ESPNL: variants seen among roughly 807,000 people sequenced by gnomAD.
ESPNL encodes espin like, also known as espin-like protein.
ESPNL carries 49 observed loss-of-function variants against 46.8 expected under a neutral mutation model. That is an observed-to-expected ratio of 1.05 (90% confidence interval 0.83 to 1.33). The LOEUF (loss-of-function observed/expected upper bound fraction) is 1.33, where lower values mean the gene tolerates loss of function less well. Among genes scored for constraint, ESPNL ranks in the 40% most tolerant of loss-of-function variants. The pLI is 0.00. For missense variants in ESPNL, 1,540 were observed against 1,436.6 expected (o/e 1.07, Z -1.16); for synonymous variants, 664 against 662.1 (o/e 1.00, Z -0.04).
intron 4 of ESPNL, among the ~76,000 whole-genome samples, chr2:238,112,869 A>G (rs1691741722): frequency 6.6e-6 from 1 of 152,146 alleles, no homozygotes. Context: ...CAATCCTTTG[A>G]TTTTTTGATA....
At chr2:238,101,219 G>A (rs984757016) in intron 1 of ESPNL, among the ~76,000 whole-genome samples, 5 of 152,146 alleles carry the variant, frequency 3.3e-5, no homozygotes, top group Non-Finnish European at 7.3e-5. Context: ...TAGAGCTGTC[G>A]CTCAGCCCTG....
At chr2:238,116,030 C>T (rs571376706) in intron 4 of ESPNL, among the ~76,000 whole-genome samples, 1 of 152,366 alleles carries the variant, frequency 6.6e-6, no homozygotes, top group South Asian at 2.1e-4. Flanking sequence ...TGCTGAGGCC[C>T]AGCTGGTCTA....
chr2:238,129,816 G>A (rs534808522), intron 8 of ESPNL, among the ~76,000 whole-genome samples: 3 of 152,260 alleles, frequency 2.0e-5, no homozygotes, highest in Non-Finnish European at 4.4e-5. Context: ...GCCACAGGTG[G>A]CTCCTGGCTG....
chr2:238,101,152 A>G (rs1252211144), intron 1 of ESPNL, among the ~76,000 whole-genome samples: 4 of 151,992 alleles, frequency 2.6e-5, no homozygotes, highest in East Asian at 1.9e-4. Context: ...GATCGTTTCT[A>G]CTGGGCCCCC....
In ESPNL at chr2:238,130,820, G is replaced by A; in HGVS notation, c.2106G>A (p.Glu702=). ...PKPRSGLASG[E]PRPGDTEEAS... ...CCCGCAGTGGCCTGGCTTCAGGGGA[G>A]CCCAGGCCTGGCGACACAGAGGAGG... Residue 702 remains glutamate, a synonymous_variant, in exon 9 of 9, where the codon GAG becomes GAA. Transcript: ENST00000343063. 1.3e-6 allele frequency: 2 copies of A among 1,545,708 alleles called. No individual in the cohort carries two copies. Among genetic ancestry groups the A allele is most frequent in the Non-Finnish European group, 8.7e-7 (1 of 1,148,846 alleles).
At chr2:238,128,650 C>G in intron 7 of ESPNL, 57 bp from the exon 8 acceptor site, 5 of 1,512,754 alleles carry the variant, frequency 3.3e-6, no homozygotes, top group Non-Finnish European at 4.5e-6. Context: ...CGGATCTTCC[C>G]TCCACTCAGG....
At position 238,131,400 on chromosome 2, in the gene ESPNL, G is replaced by A. The variant is rs1324239756; in HGVS notation, c.2686G>A (p.Ala896Thr). Reference protein sequence around the residue: ...FEHLGTHGWEAVRAFHKAVTD... With the variant: ...FEHLGTHGWETVRAFHKAVTD... Reference sequence around the variant, plus strand: ...GCACCTGGGCACCCACGGCTGGGAGGCTGTGCGCGCCTTCCACAAGGCCGT... The same window carrying A: ...GCACCTGGGCACCCACGGCTGGGAGACTGTGCGCGCCTTCCACAAGGCCGT... The change falls in exon 9 of 9, where the codon GCT becomes ACT. Residue 896 changes from alanine (A) to threonine (T), a missense_variant. Ala to Thr is a moderately conservative substitution (Grantham distance 58). Coordinates refer to ENST00000343063, the MANE Select transcript of ESPNL (RefSeq NM_194312.4). 4 of 1,606,992 alleles carry A rather than the reference G, an allele frequency of 2.5e-6. No homozygotes were observed. The highest frequency in any genetic ancestry group is 1.3e-5 in the African/African-American group (1 of 74,872).
At position 238,128,726 on chromosome 2, in the gene ESPNL, C is replaced by G; in HGVS notation, c.1235C>G (p.Ala412Gly). 6.2e-7 allele frequency: 1 copy of G among 1,601,458 alleles called. No individual in the cohort carries two copies. The highest frequency in any genetic ancestry group is 8.5e-7 in the Non-Finnish European group (1 of 1,174,912). The change falls in exon 8 of 9, where the codon GCG (alanine) becomes GGG (glycine). Residue 412 changes from alanine (A) to glycine (G), a missense_variant. Physicochemically the swap from Ala to Gly is moderately conservative, Grantham distance 60 (BLOSUM62 0). Coordinates refer to ENST00000343063, the MANE Select transcript of ESPNL (RefSeq NM_194312.4). Reference protein sequence around the residue: ...ADPEGTETALAGDTSDGLAAL... With the variant: ...ADPEGTETALGGDTSDGLAAL... ...GCACAGGGGACAGAGACGGCGCTGG[C>G]GGGGGACACCTCAGATGGCCTGGCC...
Position 238,114,429 on chromosome 2 carries a change from C to A in ESPNL, c.856-2474C>A, listed in dbSNP as rs1242519709. Among the ~76,000 whole-genome samples, 2 of 152,214 alleles carry A rather than the reference C, an allele frequency of 1.3e-5. No individual in the cohort carries two copies. The highest frequency in any genetic ancestry group is 2.9e-5 in the Non-Finnish European group (2 of 68,040). The stretch of plus-strand genomic sequence containing the variant: ...GGGACGCTCCGCCTCCACCCACCCA[C>A]ACACCCACCGCGCCCTGGCAAACCT... On this transcript the variant is annotated intron_variant, in intron 4 of 8. Coordinates refer to ENST00000343063, the MANE Select transcript of ESPNL (RefSeq NM_194312.4). This position sits in a 1 kb window ranked among gnomAD's most constrained non-coding sequence, Gnocchi z 5.0.
rs768874184 is a variant in ESPNL, at chr2:238,107,822, G to A, written c.704G>A (p.Arg235Gln). 15 of 1,603,600 alleles carry A rather than the reference G, an allele frequency of 9.4e-6. No individual in the cohort carries two copies. The highest frequency in any genetic ancestry group is 4.0e-5 in the African/African-American group (3 of 74,680). ...TTCACCGACATCGGACTCACGGCAC[G>A]GGACAATGAGGGGGCCACGGCCCTG... The part of the protein sequence containing the change: ...VTFTDIGLTA[R>Q]DNEGATALHF... The change falls in exon 4 of 9, where the codon CGG becomes CAG. Residue 235 changes from arginine (R) to glutamine (Q), a missense_variant. Transcript: ENST00000343063.
chr2:238,118,780 GAGATGGAGGAGGGT>G (rs1691895507), intron 5 of ESPNL, among the ~76,000 whole-genome samples: 2 of 36,538 alleles, frequency 5.5e-5, no homozygotes, highest in African/African-American at 3.3e-4. Context: ...TGGAGGAGGG[GAGATGGAGGAGGGT>G]GGATGGAGGA....
At chr2:238,127,056 G>C (rs957457035) in intron 6 of ESPNL, among the ~76,000 whole-genome samples, 2 of 151,128 alleles carry the variant, frequency 1.3e-5, no homozygotes, top group African/African-American at 4.9e-5. Flanking sequence ...TTCTGTGATT[G>C]TATCTGTGTG....
intron 6 of ESPNL, among the ~76,000 whole-genome samples, chr2:238,126,304 G>T (rs55713416): frequency 0.33 from 49,689 of 150,828 alleles, 8,881 homozygotes; most frequent in African/African-American, 0.47. Context: ...GTGCATGATT[G>T]TGTATCTGTG....
chr2:238,131,913 C>T lies in ESPNL; in HGVS notation c.*181C>T. 1 of 673,422 alleles carries T rather than the reference C, an allele frequency of 1.5e-6. No individual in the cohort carries two copies. Among genetic ancestry groups the T allele is most frequent in the Non-Finnish European group, 2.4e-6 (1 of 409,252 alleles). The allele number at this position is 673,422 out of a possible 1,614,324, so 41.7% of individuals were successfully genotyped here. On this transcript the variant is annotated 3_prime_UTR_variant, in exon 9 of 9. Coordinates refer to ENST00000343063, the MANE Select transcript of ESPNL (RefSeq NM_194312.4). ...CATGGTTCTCCTCCGAGCTGGGACT[C>T]AGACTCCTTCTCACCACTGCACCCA...
rs760898869 is a variant in ESPNL at position 238,127,738 on chromosome 2, C to G, written c.1215+4C>G. ...CAGTGCCACGGCTGACCCCGAGGTT[C>G]GTCCTCCACCCCTGCATTCCTGTCT... On this transcript the variant is annotated splice_donor_region_variant and intron_variant, in intron 7 of 8. Coordinates refer to ENST00000343063, the MANE Select transcript of ESPNL (RefSeq NM_194312.4). 6.2e-7 allele frequency: 1 copy of G among 1,601,930 alleles called. No homozygotes were observed. Among genetic ancestry groups the G allele is most frequent in the Admixed American group, 1.7e-5 (1 of 58,376 alleles).
intron 1 of ESPNL, among the ~76,000 whole-genome samples, chr2:238,101,287 A>G (rs1428609227): frequency 6.6e-6 from 1 of 150,698 alleles, no homozygotes; most frequent in Non-Finnish European, 1.5e-5. Context: ...GCCGCCGCCC[A>G]GAGGTCAGAG....
intron 5 of ESPNL, among the ~76,000 whole-genome samples, chr2:238,123,058 T>TCCCTTGCC (rs977120266): frequency 6.6e-6 from 1 of 152,010 alleles, no homozygotes; most frequent in Non-Finnish European, 1.5e-5. Flanking sequence ...TGCCCCCGAG[T>TCCCTTGCC]CCCAGGTGGT....
Position 238,131,636 on chromosome 2 carries a change from G to T in ESPNL, c.2922G>T (p.Gln974His), listed in dbSNP as rs748101194. The T allele has an allele frequency of 9.3e-6, 15 of 1,610,936 alleles. No homozygotes were observed. The highest frequency in any genetic ancestry group is 1.3e-5 in the Non-Finnish European group (15 of 1,178,394). The stretch of plus-strand genomic sequence containing the variant: ...AGCGGCTGGGGTCCCGCTCCCAGCA[G>T]GGCAGCTTCAACGGTGAGGACATCT... ...TAQRLGSRSQ[Q>H]GSFNGEDICG... Residue 974 changes from glutamine to histidine, a missense_variant, in exon 9 of 9, where the codon CAG becomes CAT. Transcript: ENST00000343063.
intron 5 of ESPNL, among the ~76,000 whole-genome samples, chr2:238,122,466 G>A (rs183153872): frequency 5.3e-5 from 8 of 152,292 alleles, no homozygotes; most frequent in South Asian, 4.1e-4. Context: ...AGGGGGTGGC[G>A]TCCCGGGCTT....
Sources: gnomAD v4.1 joint callset for allele counts (sites outside exome capture counted in the v4.1 genomes callset) on GRCh38, gnomAD v4.1.1 for gene constraint, Gnocchi (gnomAD v3.1) non-coding constraint, MANE v1.5 for transcripts, NCBI Gene and HGNC (gene_info 2026-07-23, HGNC 2026-07-21) for gene names.